Variants in GALNT7 observed in about 807,000 individuals in gnomAD.
GALNT7 encodes N-acetylgalactosaminyltransferase 7.
Under a neutral mutation model 82.1 loss-of-function variants are expected in GALNT7, and 60 were observed. That is an observed-to-expected ratio of 0.73 (90% CI 0.59 to 0.91). The LOEUF (loss-of-function observed/expected upper bound fraction) is 0.91. GALNT7 is among the 40% of genes least tolerant of loss of function. The pLI, the probability that GALNT7 is intolerant of heterozygous loss-of-function variation, is 0.00. For synonymous variants in GALNT7, 243 were observed against 275.1 expected (o/e 0.88, Z 1.15); for missense variants, 660 against 804.2 (o/e 0.82, Z 2.17).
In GALNT7 at chr4:173,257,777, C is replaced by T. The variant is rs78054503; in HGVS notation, c.587+9337C>T. Among the ~76,000 whole-genome samples the T allele has an allele frequency of 9.9e-3, 1,513 of 152,140 alleles. 17 individuals carry two copies. Among genetic ancestry groups the T allele is most frequent in the Non-Finnish European group, 0.016 (1,098 of 68,020 alleles). On this transcript the variant is annotated intron_variant, in intron 2 of 11. Transcript: ENST00000265000. ...CGTGCATTCTCCAGAGTAGAAAGGC[C>T]CAGTGAGCGAACTAAAACCATGATA...
intron 1 of GALNT7, among the ~76,000 whole-genome samples, chr4:173,178,052 T>TGTGTGCGCGCGCGCGC (rs563102408): frequency 4.8e-4 from 62 of 129,510 alleles, no homozygotes; most frequent in South Asian, 2.3e-3. Flanking sequence ...TGTGTGTGTG[T>TGTGTGCGCGCGCGCGC]GCGCGCACGC....
rs71244915 is a variant in GALNT7, at chr4:173,216,727, A to ATATATATTT, written c.127-31252_127-31251insATATATTTT. ...TATTCATATATATATATATATATAT[A>ATATATATTT]TTTTTTTTTTTTTTTTTTTGGAGAC... On this transcript the variant is annotated intron_variant, in intron 1 of 11. Transcript: ENST00000265000. Among the ~76,000 whole-genome samples the ATATATATTT allele has an allele frequency of 3.9e-4, 5 of 12,980 alleles. 1 individual carries two copies. The highest frequency in any genetic ancestry group is 8.4e-4 in the African/African-American group (3 of 3,592). The allele number at this position is 12,980 out of a possible 152,430, so 8.5% of individuals were successfully genotyped here.
intron 1 of GALNT7, among the ~76,000 whole-genome samples, chr4:173,178,059 A>G (rs28451387): frequency 0.22 from 19,834 of 90,616 alleles, 1,500 homozygotes; most frequent in Middle Eastern, 0.25. Context: ...GTGTGCGCGC[A>G]CGCGCGTGCG....
At chr4:173,223,919 C>A (rs1175985446) in intron 1 of GALNT7, among the ~76,000 whole-genome samples, 1 of 152,084 alleles carries the variant, frequency 6.6e-6, no homozygotes, top group Non-Finnish European at 1.5e-5. Flanking sequence ...CTTCATATTG[C>A]ATTACATCAG....
intron 1 of GALNT7, among the ~76,000 whole-genome samples, chr4:173,206,318 A>G (rs142640679): frequency 3.9e-5 from 6 of 152,294 alleles, no homozygotes; most frequent in Non-Finnish European, 7.4e-5. Context: ...ACCTTCTTCA[A>G]TGCTACATCC....
intron 1 of GALNT7, among the ~76,000 whole-genome samples, chr4:173,219,142 C>T (rs910346184): frequency 6.6e-6 from 1 of 152,002 alleles, no homozygotes; most frequent in Non-Finnish European, 1.5e-5. Context: ...CAGTCTTTCC[C>T]GAGTCCCCAA....
At chr4:173,306,189 G>A (rs188919239) in intron 8 of GALNT7, among the ~76,000 whole-genome samples, 9 of 152,150 alleles carry the variant, frequency 5.9e-5, no homozygotes, top group East Asian at 3.9e-4. Context: ...ATAGACCACC[G>A]TTAGCATATA....
intron 1 of GALNT7, among the ~76,000 whole-genome samples, chr4:173,175,245 C>T (rs1267835024): frequency 6.6e-6 from 1 of 152,194 alleles, no homozygotes; most frequent in Non-Finnish European, 1.5e-5. Context: ...ATAACAGCAA[C>T]AATAATAGTT....
In GALNT7 at chr4:173,300,390, A is replaced by G. The variant is rs145433487; in HGVS notation, c.1149-1657A>G. ...ACAGCAGCTGTGATAAGTAGTATGA[A>G]GAAAAATCACAGAGTACATGAGTTT... On this transcript the variant is annotated intron_variant, in intron 6 of 11. Coordinates refer to ENST00000265000, the MANE Select transcript of GALNT7 (RefSeq NM_017423.3). 2.8e-3 allele frequency among the ~76,000 whole-genome samples: 428 copies of G among 152,334 alleles called. 2 individuals are homozygous for G. The highest frequency in any genetic ancestry group is 0.01 in the African/African-American group (416 of 41,590).
chr4:173,196,950 C>T (rs61699413), intron 1 of GALNT7, among the ~76,000 whole-genome samples: 4,873 of 152,082 alleles, frequency 0.032, 168 homozygotes, highest in Admixed American at 0.081. Flanking sequence ...GCTTAAAGAA[C>T]CAGTTTAATG....
intron 1 of GALNT7, among the ~76,000 whole-genome samples, chr4:173,221,075 A>G (rs1012519710): frequency 1.3e-5 from 2 of 151,650 alleles, no homozygotes; most frequent in South Asian, 4.2e-4. Flanking sequence ...AGGAATCGCC[A>G]CACTGACTTC....
intron 1 of GALNT7, among the ~76,000 whole-genome samples, chr4:173,195,304 A>G (rs11731971): frequency 1.3e-5 from 2 of 152,130 alleles, no homozygotes; most frequent in South Asian, 4.1e-4. Flanking sequence ...CAGGAAGAAC[A>G]GTCTTCCAAA....
chr4:173,225,492 T>G (rs1733796219), intron 1 of GALNT7, among the ~76,000 whole-genome samples: 1 of 152,220 alleles, frequency 6.6e-6, no homozygotes, highest in African/African-American at 2.4e-5. Context: ...GTAATCCTGT[T>G]TTTTAAAACA....
intron 2 of GALNT7, among the ~76,000 whole-genome samples, chr4:173,285,052 CACAT>C (rs1736274275): frequency 1.3e-5 from 2 of 152,196 alleles, no homozygotes; most frequent in South Asian, 2.1e-4. Flanking sequence ...TATGTTCACA[CACAT>C]AGTTTCCTTT....
intron 2 of GALNT7, among the ~76,000 whole-genome samples, chr4:173,278,422 T>C (rs971597450): frequency 6.6e-6 from 1 of 152,178 alleles, no homozygotes; most frequent in African/African-American, 2.4e-5. Flanking sequence ...CTCATATTCC[T>C]CCATATAAAC....
chr4:173,288,282 C>CAAAAAAAAAAAAAAAAA (rs70944442), intron 2 of GALNT7, among the ~76,000 whole-genome samples: 17 of 62,964 alleles, frequency 2.7e-4, no homozygotes, highest in African/African-American at 1.2e-3. Flanking sequence ...GACTCCATCT[C>CAAAAAAAAAAAAAAAAA]AAAAAAAAAA....
chr4:173,315,615 C>G (rs543735642), intron 9 of GALNT7, among the ~76,000 whole-genome samples: 2 of 152,176 alleles, frequency 1.3e-5, no homozygotes, highest in Admixed American at 1.3e-4. Context: ...ACAGAGGACA[C>G]TCATGCTGCT....
chr4:173,260,090 T>C (rs1735201478), intron 2 of GALNT7, among the ~76,000 whole-genome samples: 1 of 152,230 alleles, frequency 6.6e-6, no homozygotes, highest in South Asian at 2.1e-4. Context: ...AATTCACTTA[T>C]AAATATTGTA....
At position 173,248,243 on chromosome 4, in the gene GALNT7, G is replaced by A; in HGVS notation, c.390G>A (p.Gly130=). 3 of 1,613,942 alleles carry A rather than the reference G, an allele frequency of 1.9e-6. No individual in the cohort carries two copies. Among genetic ancestry groups the A allele is most frequent in the Non-Finnish European group, 2.5e-6 (3 of 1,179,896 alleles). The stretch of plus-strand genomic sequence containing the variant: ...ACCATGATCCTGTGCTTCGCCCAGG[G>A]ATCCTCGGTAACTTTGAACCCAAAG... The part of the protein sequence containing the change: ...FTYHDPVLRP[G]ILGNFEPKEP... Residue 130 remains glycine (G), a synonymous_variant, in exon 2 of 12, where the codon GGG becomes GGA. Transcript: ENST00000265000.
Sources: gnomAD v4.1 joint callset for allele counts (sites outside exome capture counted in the v4.1 genomes callset) on GRCh38, gnomAD v4.1.1 for gene constraint, MANE v1.5 for transcripts, NCBI Gene and HGNC (gene_info 2026-07-23, HGNC 2026-07-21) for gene names.